FYB2: variants seen among roughly 807,000 people sequenced by gnomAD.
The protein encoded by FYB2 is FYN-binding protein 2.
Under a neutral mutation model 94.1 loss-of-function variants are expected in FYB2, and 103 were observed. That is an observed-to-expected ratio of 1.09 (90% CI 0.93 to 1.29). The LOEUF (loss-of-function observed/expected upper bound fraction) is 1.29. Among genes scored for constraint, FYB2 ranks in the 50% most tolerant of loss-of-function variants. FYB2 has a pLI of 0.00. For synonymous variants in FYB2, 293 were observed against 287.9 expected, an observed-to-expected ratio of 1.02 and a Z score of -0.18; for missense variants, 896 against 841.5, an observed-to-expected ratio of 1.06 and a Z score of -0.80.
intron 14 of FYB2, among the ~76,000 whole-genome samples, chr1:56,738,055 A>G (rs1644869203): frequency 6.6e-6 from 1 of 152,022 alleles, no homozygotes; most frequent in African/African-American, 2.4e-5. Context: ...AGAACACATG[A>G]CCCTCTTTTA....
At chr1:56,754,179 G>C (rs60981376) in intron 7 of FYB2, among the ~76,000 whole-genome samples, 2 of 151,822 alleles carry the variant, frequency 1.3e-5, no homozygotes, top group South Asian at 4.1e-4. Flanking sequence ...ATTGCCTATA[G>C]GATAAAACTT....
chr1:56,800,094 C>T (rs1400585105), intron 1 of FYB2, among the ~76,000 whole-genome samples: 3 of 152,186 alleles, frequency 2.0e-5, no homozygotes, highest in Non-Finnish European at 4.4e-5. Context: ...CAAGTCTGAA[C>T]ATTCCTCTGT....
chr1:56,794,216 C>T (rs933919030), intron 1 of FYB2, among the ~76,000 whole-genome samples: 1 of 152,150 alleles, frequency 6.6e-6, no homozygotes, highest in Non-Finnish European at 1.5e-5. Context: ...GAGGAAGGAG[C>T]ATGACTGGGT....
At chr1:56,796,277 A>G (rs1646395024) in intron 1 of FYB2, among the ~76,000 whole-genome samples, 1 of 152,182 alleles carries the variant, frequency 6.6e-6, no homozygotes, top group African/African-American at 2.4e-5. Context: ...CATCACCCAT[A>G]GGTGGAAGTT....
chr1:56,758,747 G>T lies in FYB2; in HGVS notation c.1067C>A (p.Thr356Asn), dbSNP rs1461382773. Reference sequence around the variant, plus strand: ...GAGTTCTTCAATTCCAACTTCATAAGTTGCTAAAGTAAACATAAAAAAATT... The same window carrying T: ...GAGTTCTTCAATTCCAACTTCATAATTTGCTAAAGTAAACATAAAAAAATT... ...LCTAKEIADP[T>N]YEVGIEELQK... The change falls in exon 6 of 20, where the codon ACT becomes AAT. Residue 356 changes from threonine to asparagine, a missense_variant. Transcript: ENST00000343433. 1 of 1,597,216 alleles carries T rather than the reference G, an allele frequency of 6.3e-7. No individual in the cohort carries two copies.
chr1:56,781,899 C>T (rs932603711), intron 4 of FYB2, among the ~76,000 whole-genome samples: 1 of 152,112 alleles, frequency 6.6e-6, no homozygotes, highest in Non-Finnish European at 1.5e-5. Context: ...ATTTTCTTTC[C>T]TGGGATGTTC....
intron 11 of FYB2, among the ~76,000 whole-genome samples, chr1:56,743,401 G>A (rs1644998765): frequency 6.6e-6 from 1 of 151,900 alleles, no homozygotes; most frequent in African/African-American, 2.4e-5. Context: ...AGAAGTCCAT[G>A]GTACTATGAG....
At chr1:56,821,729 G>C (rs551954776), upstream of FYB2, among the ~76,000 whole-genome samples, 38 of 152,274 alleles carry the variant, frequency 2.5e-4, no homozygotes, top group Admixed American at 2.0e-3. Context: ...AAATGAAGTA[G>C]CATCATTTTA....
chr1:56,813,474 C>T (rs1010292998), intron 1 of FYB2, among the ~76,000 whole-genome samples: 1 of 152,186 alleles, frequency 6.6e-6, no homozygotes, highest in Non-Finnish European at 1.5e-5. Flanking sequence ...CCCCATGATT[C>T]AATTACCTCC....
chr1:56,817,621 G>T (rs540805979), intron 1 of FYB2, among the ~76,000 whole-genome samples: 3 of 152,064 alleles, frequency 2.0e-5, no homozygotes, highest in Non-Finnish European at 4.4e-5. Flanking sequence ...CACAAACCAT[G>T]TCCTCAATAA....
intron 6 of FYB2, among the ~76,000 whole-genome samples, chr1:56,757,729 TCTTTC>T (rs1645383691): frequency 8.2e-6 from 1 of 121,522 alleles, no homozygotes; most frequent in Admixed American, 9.0e-5. Flanking sequence ...TTTCTTTCTT[TCTTTC>T]ATTCTTTCTT....
intron 4 of FYB2, among the ~76,000 whole-genome samples, chr1:56,778,053 C>T (rs1470597310): frequency 6.6e-6 from 1 of 152,140 alleles, no homozygotes; most frequent in Non-Finnish European, 1.5e-5. Flanking sequence ...CTCTTCCTCA[C>T]TCATCACTCT....
chr1:56,819,397 C>A lies in FYB2; in HGVS notation c.-107G>T. Reference sequence around the variant, plus strand: ...GTCTCTGCTAGCCAGGGAGCAATCACTTCCCACAGGACACACCTGAGCCCA... The same window carrying A: ...GTCTCTGCTAGCCAGGGAGCAATCAATTCCCACAGGACACACCTGAGCCCA... On this transcript the variant is annotated 5_prime_UTR_variant, in exon 1 of 20. Transcript: ENST00000343433. 1 of 1,485,418 alleles carries A rather than the reference C, an allele frequency of 6.7e-7. No homozygotes were observed. The highest frequency in any genetic ancestry group is 9.3e-7 in the Non-Finnish European group (1 of 1,073,078). 92.0% of individuals were successfully genotyped at this position (1,485,418 alleles called of 1,614,324 possible). A position where few individuals can be genotyped will look rare whatever the true frequency, so the allele number is the denominator to read the frequency against.
upstream of FYB2, chr1:56,819,507 T>A: frequency 7.9e-6 from 5 of 635,660 alleles, no homozygotes; most frequent in Admixed American, 5.6e-5. Context: ...CCAGCTTGGC[T>A]TAGACCAGCA....
intron 15 of FYB2, among the ~76,000 whole-genome samples, chr1:56,733,231 T>C (rs772605878): frequency 1.3e-5 from 2 of 152,158 alleles, no homozygotes; most frequent in Non-Finnish European, 2.9e-5. Context: ...GAGGTGTTTA[T>C]AGTATTCTGA....
At chr1:56,723,549 G>T in intron 17 of FYB2, 39 bp downstream of exon 17, 1 of 1,240,388 alleles carries the variant, frequency 8.1e-7, no homozygotes. Flanking sequence ...GCTCCTAGCT[G>T]TTAATATTGC....
At chr1:56,798,292 T>C (rs1368330151) in intron 1 of FYB2, among the ~76,000 whole-genome samples, 7 of 152,240 alleles carry the variant, frequency 4.6e-5, no homozygotes, top group African/African-American at 1.7e-4. Flanking sequence ...AATAGCCTGG[T>C]ACTTTTGATT....
chr1:56,821,498 G>A (rs888502519), upstream of FYB2, among the ~76,000 whole-genome samples: 1 of 152,192 alleles, frequency 6.6e-6, no homozygotes, highest in African/African-American at 2.4e-5. Flanking sequence ...TGCTGGTCTT[G>A]GGAAAGTCAA....
At chr1:56,819,758 G>A (rs891952695), upstream of FYB2, 2 of 179,944 alleles carry the variant, frequency 1.1e-5, no homozygotes, top group Admixed American at 1.1e-4. Context: ...CTCCGCCCCT[G>A]CAGACGGCTA....
Sources: gnomAD v4.1 joint callset for allele counts (sites outside exome capture counted in the v4.1 genomes callset) on GRCh38, gnomAD v4.1.1 for gene constraint, MANE v1.5 for transcripts, NCBI Gene and HGNC (gene_info 2026-07-23, HGNC 2026-07-21) for gene names.